Variants in ITGA9 observed in about 807,000 individuals in gnomAD.
The protein encoded by ITGA9 is integrin subunit alpha 9.
In ITGA9, 56 loss-of-function variants were observed where a neutral mutation model predicts 127.8. The ratio of observed to expected loss-of-function variants is 0.44; its 90% confidence interval spans 0.35 to 0.55. The LOEUF is 0.55. Ranked by LOEUF, ITGA9 falls within the 20% of genes least tolerant of loss-of-function variation. The probability of loss-of-function intolerance (pLI) is 0.00; values close to 1 mark genes in which losing one functional copy is unlikely to be tolerated. For synonymous variants in ITGA9, 508 were observed against 514.5 expected (o/e 0.99, Z 0.17); for missense variants, 1,196 against 1,347.1 (o/e 0.89, Z 1.76).
rs1403496368 is a variant in ITGA9, at chr3:37,726,735, A to G, written c.2068-5977A>G. 2.6e-5 allele frequency among the ~76,000 whole-genome samples: 4 copies of G among 152,186 alleles called. No individual in the cohort carries two copies. In the South Asian group the frequency reaches 6.2e-4, roughly 24 times the overall value. ...CCTTCTTTGGCATCTCCCATAAGCC[A>G]AGGCCTATTCATTTAATAAATGCAG... On this transcript the variant is annotated intron_variant, in intron 18 of 27. Coordinates refer to ENST00000264741, the MANE Select transcript of ITGA9 (RefSeq NM_002207.3).
At chr3:37,661,150 A>G (rs995090599) in intron 17 of ITGA9, among the ~76,000 whole-genome samples, 40 of 152,330 alleles carry the variant, frequency 2.6e-4, no homozygotes, top group African/African-American at 9.1e-4. Flanking sequence ...TGACTATACT[A>G]TATAAACAGC....
intron 14 of ITGA9, among the ~76,000 whole-genome samples, chr3:37,540,513 G>C (rs1226217382): frequency 1.3e-5 from 2 of 152,182 alleles, no homozygotes; most frequent in African/African-American, 4.8e-5. Flanking sequence ...GGGAGGTTTT[G>C]GTCAAGTAAT....
intron 4 of ITGA9, among the ~76,000 whole-genome samples, chr3:37,492,085 A>G (rs1468647339): frequency 6.6e-6 from 1 of 152,172 alleles, no homozygotes; most frequent in African/African-American, 2.4e-5. Context: ...CAGGGATCGG[A>G]TAGGTGGTAG....
chr3:37,767,804 C>T (rs1349367196), intron 23 of ITGA9, among the ~76,000 whole-genome samples: 1 of 152,132 alleles, frequency 6.6e-6, no homozygotes, highest in East Asian at 1.9e-4. Context: ...TCTCTTTTCA[C>T]AAAGCAAAAG....
chr3:37,533,481 C>G lies in ITGA9; in HGVS notation c.1528+13C>G, dbSNP rs1171098101. 1 of 1,613,190 alleles carries G rather than the reference C, an allele frequency of 6.2e-7. No homozygotes were observed. The highest frequency in any genetic ancestry group is 8.5e-7 in the Non-Finnish European group (1 of 1,179,526). ...CCAGGAGAGATTGGTAATGAGCCAC[C>G]AAGTCAGGGCTCAGGATACCCGTTT... On this transcript the variant is annotated intron_variant, in intron 14 of 27. Transcript: ENST00000264741.
At chr3:37,698,996 T>A (rs1020204164) in intron 18 of ITGA9, among the ~76,000 whole-genome samples, 3 of 152,212 alleles carry the variant, frequency 2.0e-5, no homozygotes, top group African/African-American at 7.2e-5. Context: ...CACTCCCTTC[T>A]TCTGGGGATA....
chr3:37,530,717 G>GTTTTTTT (rs71094916), intron 13 of ITGA9, among the ~76,000 whole-genome samples: 8 of 86,252 alleles, frequency 9.3e-5, no homozygotes, highest in African/African-American at 1.9e-4. Flanking sequence ...CAGCTACCAG[G>GTTTTTTT]TTTTTTTTTT....
rs1221603860 is a variant in ITGA9, at chr3:37,452,620, C to T, written c.185+61C>T. 3 of 1,367,452 alleles carry T rather than the reference C, an allele frequency of 2.2e-6. No homozygotes were observed. The African/African-American group carries it at 4.6e-5, about 21-fold the overall frequency. The allele number at this position is 1,367,452 out of a possible 1,614,324, so 84.7% of individuals were successfully genotyped here. On this transcript the variant is annotated intron_variant, in intron 1 of 27. Transcript: ENST00000264741. This position sits in a 1 kb window ranked among gnomAD's most constrained non-coding sequence, Gnocchi z 7.3. ...GCGGCCACCGCCCCGGCCCCCAGGC[C>T]AGCGCCGCCGCCGCCTTTCCGGTCT... is the stretch of plus-strand genomic sequence containing the variant.
intron 16 of ITGA9, among the ~76,000 whole-genome samples, chr3:37,639,574 C>G (rs1575176855): frequency 6.6e-6 from 1 of 152,206 alleles, no homozygotes; most frequent in East Asian, 1.9e-4. Flanking sequence ...GTCATGCAGT[C>G]TGAAGCCACT....
chr3:37,579,865 C>T (rs1024226114), intron 15 of ITGA9, among the ~76,000 whole-genome samples: 5 of 152,156 alleles, frequency 3.3e-5, no homozygotes, highest in African/African-American at 7.2e-5. Flanking sequence ...TCAGCCCTTG[C>T]CTCCCATATC....
chr3:37,813,562 T>C (rs1323070015), intron 27 of ITGA9, among the ~76,000 whole-genome samples: 1 of 152,262 alleles, frequency 6.6e-6, no homozygotes, highest in East Asian at 1.9e-4. Context: ...CTTGCATTTA[T>C]TGAGAACTGT....
intron 15 of ITGA9, among the ~76,000 whole-genome samples, chr3:37,584,653 G>A (rs1247222581): frequency 2.0e-5 from 3 of 152,090 alleles, no homozygotes; most frequent in Non-Finnish European, 4.4e-5. Context: ...TACTCGGGAG[G>A]CTGAGTCAGG....
intron 17 of ITGA9, among the ~76,000 whole-genome samples, chr3:37,665,778 G>A (rs1700580403): frequency 6.6e-6 from 1 of 152,190 alleles, no homozygotes; most frequent in African/African-American, 2.4e-5. Flanking sequence ...CTAGGAGGGG[G>A]CAGCAGATGC....
intron 8 of ITGA9, among the ~76,000 whole-genome samples, chr3:37,513,254 C>T (rs1698951256): frequency 6.6e-6 from 1 of 152,116 alleles, no homozygotes; most frequent in Non-Finnish European, 1.5e-5. Context: ...GGGCATCAAT[C>T]TATTTATCTT....
rs1700756349 is a variant in ITGA9, at chr3:37,683,861, A to G, written c.1917-4A>G. The G allele has an allele frequency of 6.2e-7, 1 of 1,613,812 alleles. No individual in the cohort carries two copies. Among genetic ancestry groups the G allele is most frequent in the Non-Finnish European group, 8.5e-7 (1 of 1,179,932 alleles). On this transcript the variant is annotated splice_polypyrimidine_tract_variant and splice_region_variant and intron_variant, in intron 17 of 27. Transcript: ENST00000264741. ...CATTCATTGCTGTCTATTTTTCGTT[A>G]CAGTATGGATGAGAAAACCCTGTAT...
intron 27 of ITGA9, among the ~76,000 whole-genome samples, chr3:37,809,323 C>A (rs1370032241): frequency 6.6e-6 from 1 of 152,002 alleles, no homozygotes. Context: ...AGGCCTCAAG[C>A]GATCTGCCTG....
chr3:37,529,618 G>GA (rs1300551835), intron 13 of ITGA9, among the ~76,000 whole-genome samples: 1 of 152,192 alleles, frequency 6.6e-6, no homozygotes, highest in East Asian at 1.9e-4. Flanking sequence ...GAACGTCTTT[G>GA]AGCCATTTTC....
At chr3:37,476,102 A>G (rs946229352) in intron 3 of ITGA9, among the ~76,000 whole-genome samples, 47 of 152,260 alleles carry the variant, frequency 3.1e-4, no homozygotes, top group African/African-American at 1.1e-3. Flanking sequence ...ATTGACGGAC[A>G]TTTAGGTTGG....
At chr3:37,717,288 TA>T (rs1461568977) in intron 18 of ITGA9, among the ~76,000 whole-genome samples, 1 of 152,242 alleles carries the variant, frequency 6.6e-6, no homozygotes, top group Non-Finnish European at 1.5e-5. Context: ...TCACAGTCTT[TA>T]AGCCTGATGA....
Sources: gnomAD v4.1 joint callset for allele counts (sites outside exome capture counted in the v4.1 genomes callset) on GRCh38, gnomAD v4.1.1 for gene constraint, Gnocchi (gnomAD v3.1) non-coding constraint, MANE v1.5 for transcripts, NCBI Gene and HGNC (gene_info 2026-07-23, HGNC 2026-07-21) for gene names.